STEAP1B: variants seen among roughly 807,000 people sequenced by gnomAD.
The protein encoded by STEAP1B is STEAP family protein MGC87042.
In STEAP1B, 13 loss-of-function variants were observed where a neutral mutation model predicts 27.9. The ratio of observed to expected loss-of-function variants is 0.47; its 90% confidence interval spans 0.30 to 0.74. The LOEUF (loss-of-function observed/expected upper bound fraction) is 0.74, where lower values mean the gene tolerates loss of function less well. STEAP1B is among the 30% of genes least tolerant of loss of function. STEAP1B has a pLI of 0.06. For missense variants in STEAP1B, 250 were observed against 298.7 expected, an observed-to-expected ratio of 0.84 and a Z score of 1.20; for synonymous variants, 86 against 107.1, an observed-to-expected ratio of 0.80 and a Z score of 1.22.
chr7:22,432,801 G>C (rs982154158), intron 4 of STEAP1B, among the ~76,000 whole-genome samples: 6 of 152,116 alleles, frequency 3.9e-5, no homozygotes, highest in African/African-American at 1.4e-4. Context: ...ACACTAGGTA[G>C]CCAAAAAAAC....
rs781613900 is a variant in STEAP1B at position 22,454,863 on chromosome 7, A to AT, written c.763-35028dup. On this transcript the variant is annotated intron_variant, in intron 4 of 4. Transcript: ENST00000678116. ...TATATATATATGTATATATATATAT[A>AT]TATTTTTTTTTTTTTTTGAGACAGA... Among the ~76,000 whole-genome samples, 377 of 75,106 alleles carry AT rather than the reference A, an allele frequency of 5.0e-3. 2 individuals are homozygous for AT. Among genetic ancestry groups the AT allele is most frequent in the African/African-American group, 0.016 (351 of 21,280 alleles). The allele number at this position is 75,106 out of a possible 152,430, so 49.3% of individuals were successfully genotyped here. A position where few individuals can be genotyped will look rare whatever the true frequency, so the allele number is the denominator to read the frequency against.
intron 4 of STEAP1B, among the ~76,000 whole-genome samples, chr7:22,435,661 G>C (rs532739439): frequency 6.6e-6 from 1 of 152,270 alleles, no homozygotes; most frequent in African/African-American, 2.4e-5. Context: ...ACTGAGACAA[G>C]ACAGTATTCA....
intron 4 of STEAP1B, among the ~76,000 whole-genome samples, chr7:22,422,180 G>A (rs895156682): frequency 6.6e-6 from 1 of 152,216 alleles, no homozygotes; most frequent in South Asian, 2.1e-4. Context: ...GCAACCTAGT[G>A]TGTGTGCATG....
At chr7:22,465,868 C>T (rs1007662578) in intron 4 of STEAP1B, among the ~76,000 whole-genome samples, 3 of 152,134 alleles carry the variant, frequency 2.0e-5, no homozygotes, top group African/African-American at 7.2e-5. Context: ...GCAGGAAAAC[C>T]ACAACACTCA....
At chr7:22,456,972 A>ATATATATATATATATATATATATAT in intron 4 of STEAP1B, among the ~76,000 whole-genome samples, 1 of 57,082 alleles carries the variant, frequency 1.8e-5, no homozygotes, top group Non-Finnish European at 3.3e-5. Flanking sequence ...ATATATATAT[A>ATATATATATATATATATATATATAT]TTTTTTTTTT....
At chr7:22,433,081 A>G (rs1245851947) in intron 4 of STEAP1B, among the ~76,000 whole-genome samples, 1 of 152,178 alleles carries the variant, frequency 6.6e-6, no homozygotes, top group Non-Finnish European at 1.5e-5. Context: ...ACACAGGGGG[A>G]AGAATGAGAA....
chr7:22,467,422 C>T (rs1025311400), intron 4 of STEAP1B, among the ~76,000 whole-genome samples: 11 of 152,272 alleles, frequency 7.2e-5, no homozygotes, highest in East Asian at 1.9e-4. Context: ...GAGCTGTGCA[C>T]GTGTGTGTAT....
intron 4 of STEAP1B, among the ~76,000 whole-genome samples, chr7:22,488,713 C>G (rs934714194): frequency 2.6e-5 from 4 of 152,174 alleles, no homozygotes; most frequent in African/African-American, 9.7e-5. Context: ...GAGAGGAAAC[C>G]ACTGCTGACT....
intron 4 of STEAP1B, among the ~76,000 whole-genome samples, chr7:22,478,986 C>T (rs2128412973): frequency 6.6e-6 from 1 of 152,264 alleles, no homozygotes; most frequent in Non-Finnish European, 1.5e-5. Context: ...CTCCCAGCTG[C>T]ACCCTCAGAG....
intron 4 of STEAP1B, among the ~76,000 whole-genome samples, chr7:22,478,720 C>T (rs746148855): frequency 2.0e-5 from 3 of 152,184 alleles, no homozygotes; most frequent in Admixed American, 6.5e-5. Context: ...GTAATGGAGA[C>T]GTTCTCCACA....
At chr7:22,489,089 A>G (rs1242686217) in intron 4 of STEAP1B, among the ~76,000 whole-genome samples, 1 of 152,218 alleles carries the variant, frequency 6.6e-6, no homozygotes, top group Non-Finnish European at 1.5e-5. Flanking sequence ...CCAGGCAGGG[A>G]GAAACCAGAA....
intron 4 of STEAP1B, among the ~76,000 whole-genome samples, chr7:22,463,707 A>G (rs1322234893): frequency 1.3e-5 from 2 of 152,226 alleles, no homozygotes; most frequent in Admixed American, 1.3e-4. Flanking sequence ...CAATGGGGAA[A>G]GGATTCCCTA....
intron 4 of STEAP1B, among the ~76,000 whole-genome samples, chr7:22,489,592 G>A (rs532445420): frequency 6.6e-6 from 1 of 152,160 alleles, no homozygotes; most frequent in Non-Finnish European, 1.5e-5. Context: ...ACACAGAGAC[G>A]GACAGGCACA....
At chr7:22,482,956 A>C (rs1182521869) in intron 4 of STEAP1B, among the ~76,000 whole-genome samples, 1 of 152,122 alleles carries the variant, frequency 6.6e-6, no homozygotes, top group East Asian at 1.9e-4. Flanking sequence ...TCCAAAAATA[A>C]AATGAGGTGC....
intron 4 of STEAP1B, among the ~76,000 whole-genome samples, chr7:22,480,411 T>G (rs1786048183): frequency 6.6e-6 from 1 of 152,174 alleles, no homozygotes; most frequent in Non-Finnish European, 1.5e-5. Flanking sequence ...GATGTGGTTA[T>G]TCCACAAAGG....
intron 4 of STEAP1B, among the ~76,000 whole-genome samples, chr7:22,451,626 T>C (rs1785491340): frequency 6.6e-6 from 1 of 152,240 alleles, no homozygotes; most frequent in Non-Finnish European, 1.5e-5. Flanking sequence ...TATCAAATAA[T>C]TTTTCAGCAT....
chr7:22,492,460 T>C, intron 4 of STEAP1B, 105 bp downstream of exon 4: 1 of 1,406,026 alleles, frequency 7.1e-7, no homozygotes, highest in Non-Finnish European at 9.3e-7. Flanking sequence ...AGATCTTTGC[T>C]GTTGAAAAAC....
intron 4 of STEAP1B, among the ~76,000 whole-genome samples, chr7:22,471,236 C>T (rs184082472): frequency 4.6e-5 from 7 of 152,128 alleles, no homozygotes; most frequent in Non-Finnish European, 8.8e-5. Flanking sequence ...AGAGGTGCCA[C>T]GTGCTGTTAA....
intron 4 of STEAP1B, among the ~76,000 whole-genome samples, chr7:22,466,091 C>G (rs557330376): frequency 6.6e-6 from 1 of 152,314 alleles, no homozygotes; most frequent in African/African-American, 2.4e-5. Flanking sequence ...TTACTGCTCT[C>G]AGCTCCATTT....
Sources: gnomAD v4.1 joint callset for allele counts (sites outside exome capture counted in the v4.1 genomes callset) on GRCh38, gnomAD v4.1.1 for gene constraint, MANE v1.5 for transcripts, NCBI Gene and HGNC (gene_info 2026-07-23, HGNC 2026-07-21) for gene names.